Variants in SLC24A4 observed in about 807,000 individuals in gnomAD.
The protein encoded by SLC24A4 is solute carrier family 24 member 4.
In SLC24A4, 53 loss-of-function variants were observed where a neutral mutation model predicts 79.0. The observed-to-expected ratio is 0.67, with a 90% CI of 0.54 to 0.84. SLC24A4 has a LOEUF of 0.84. SLC24A4 is among the 40% of genes least tolerant of loss of function. The pLI is 0.00. For missense variants in SLC24A4, 731 were observed against 822.0 expected, an observed-to-expected ratio of 0.89 and a Z score of 1.35; for synonymous variants, 323 against 323.8, an observed-to-expected ratio of 1.00 and a Z score of 0.03.
intron 2 of SLC24A4, among the ~76,000 whole-genome samples, chr14:92,343,115 C>G (rs187811679): frequency 1.3e-5 from 2 of 152,318 alleles, no homozygotes; most frequent in East Asian, 3.9e-4. Flanking sequence ...CTGCAGCTGC[C>G]CCTTCCACTT....
At position 92,486,646 on chromosome 14, in the gene SLC24A4, C is replaced by G. The variant is rs1391143532; in HGVS notation, c.1423-20C>G. 5 of 1,524,458 alleles carry G rather than the reference C, an allele frequency of 3.3e-6. No homozygotes were observed. The highest frequency in any genetic ancestry group is 1.4e-5 in the African/African-American group (1 of 73,154). The allele number at this position is 1,524,458 out of a possible 1,614,324, so 94.4% of individuals were successfully genotyped here. On this transcript the variant is annotated intron_variant, in intron 13 of 16. Transcript: ENST00000532405. ...CACACTGTTGGTTGAGAGTTCATGT[C>G]TCCACCCCACATTCTGCAGGTGACT...
intron 2 of SLC24A4, among the ~76,000 whole-genome samples, chr14:92,433,458 A>G (rs988057954): frequency 4.6e-5 from 7 of 152,182 alleles, no homozygotes; most frequent in Non-Finnish European, 8.8e-5. Context: ...TCTTGGGTCT[A>G]TACTTGCGAG....
chr14:92,425,704 T>A (rs984908886), intron 2 of SLC24A4, among the ~76,000 whole-genome samples: 2 of 152,154 alleles, frequency 1.3e-5, no homozygotes, highest in Non-Finnish European at 1.5e-5. Flanking sequence ...TACACCTATA[T>A]GCAGTGGCTC....
rs148342045 is a variant in SLC24A4 at position 92,404,764 on chromosome 14, A to C, written c.242-29148A>C. On this transcript the variant is annotated intron_variant, in intron 2 of 16. Coordinates refer to ENST00000532405, the MANE Select transcript of SLC24A4 (RefSeq NM_153646.4). ...ACTTTTTTCATAAGCTCTGGAAACTATCAGAATGGATCTTAAATATTTGTA... is the reference window on the plus strand; with the variant it reads ...ACTTTTTTCATAAGCTCTGGAAACTCTCAGAATGGATCTTAAATATTTGTA... Among the ~76,000 whole-genome samples, 673 of 152,288 alleles carry C rather than the reference A, an allele frequency of 4.4e-3. 6 individuals carry two copies. The highest frequency in any genetic ancestry group is 0.015 in the African/African-American group (630 of 41,552).
chr14:92,378,322 C>T (rs766208892), intron 2 of SLC24A4, among the ~76,000 whole-genome samples: 17 of 152,118 alleles, frequency 1.1e-4, no homozygotes, highest in African/African-American at 2.2e-4. Flanking sequence ...TGCTGGGTTG[C>T]GGACACATGC....
intron 2 of SLC24A4, among the ~76,000 whole-genome samples, chr14:92,365,404 C>T (rs1416387584): frequency 6.6e-6 from 1 of 152,232 alleles, no homozygotes; most frequent in Admixed American, 6.5e-5. Flanking sequence ...CTTTGGGTCA[C>T]ATACAGGCCT....
intron 12 of SLC24A4, among the ~76,000 whole-genome samples, chr14:92,468,329 T>C (rs1367400058): frequency 6.6e-6 from 1 of 152,218 alleles, no homozygotes; most frequent in African/African-American, 2.4e-5. Context: ...TTAAAAATGA[T>C]AATAGTCCTC....
At chr14:92,344,522 C>T (rs141976663) in intron 2 of SLC24A4, among the ~76,000 whole-genome samples, 104 of 152,082 alleles carry the variant, frequency 6.8e-4, no homozygotes, top group African/African-American at 2.3e-3. Flanking sequence ...CATTTTTTAT[C>T]GAGGCAGTTG....
At chr14:92,400,404 A>T (rs371714722) in intron 2 of SLC24A4, among the ~76,000 whole-genome samples, 2 of 141,720 alleles carry the variant, frequency 1.4e-5, no homozygotes, top group South Asian at 4.4e-4. Flanking sequence ...GTGCCACTGC[A>T]CTCCAGCCTG....
At chr14:92,378,950 T>C in intron 2 of SLC24A4, among the ~76,000 whole-genome samples, 1 of 152,108 alleles carries the variant, frequency 6.6e-6, no homozygotes, top group East Asian at 1.9e-4. Flanking sequence ...TAGTCTCAGC[T>C]ACTTGGGAGG....
chr14:92,393,158 C>T (rs1220791704), intron 2 of SLC24A4, among the ~76,000 whole-genome samples: 4 of 152,250 alleles, frequency 2.6e-5, no homozygotes, highest in Non-Finnish European at 2.9e-5. Context: ...GGGCTTCGAT[C>T]TTAGACTTCC....
At chr14:92,419,657 A>G (rs1285718861) in intron 2 of SLC24A4, among the ~76,000 whole-genome samples, 1 of 152,260 alleles carries the variant, frequency 6.6e-6, no homozygotes, top group East Asian at 1.9e-4. Context: ...TGGACAGCAG[A>G]TGTGAATCAG....
At position 92,456,529 on chromosome 14, in the gene SLC24A4, G is replaced by A. The variant is rs369405632; in HGVS notation, c.1176G>A (p.Glu392=). 1 of 1,613,866 alleles carries A rather than the reference G, an allele frequency of 6.2e-7. No homozygotes were observed. Among genetic ancestry groups the A allele is most frequent in the Non-Finnish European group, 8.5e-7 (1 of 1,179,966 alleles). The part of the protein sequence containing the change: ...ENPEDPQQNQ[E]QQPPPQPPPP... The stretch of plus-strand genomic sequence containing the variant: ...CCGAAGACCCTCAGCAGAATCAGGA[G>A]CAGCAGCCGCCGCCACAGCCACCAC... Residue 392 remains glutamate (E), a synonymous_variant, in exon 12 of 17, where the codon GAG becomes GAA. Coordinates refer to ENST00000532405, the MANE Select transcript of SLC24A4 (RefSeq NM_153646.4).
At position 92,395,951 on chromosome 14, in the gene SLC24A4, G is replaced by A. The variant is rs113222444; in HGVS notation, c.242-37961G>A. On this transcript the variant is annotated intron_variant, in intron 2 of 16. Transcript: ENST00000532405. Reference sequence around the variant, plus strand: ...AGTGATTCTCCTGCCTCAGCCTCCCGAGTAGCTGGGATTATAGACGGGTGC... The same window carrying A: ...AGTGATTCTCCTGCCTCAGCCTCCCAAGTAGCTGGGATTATAGACGGGTGC... 2.1e-3 allele frequency among the ~76,000 whole-genome samples: 319 copies of A among 152,220 alleles called. 1 individual carries two copies. The highest frequency in any genetic ancestry group is 7.4e-3 in the African/African-American group (307 of 41,538).
Position 92,449,063 on chromosome 14 carries a change from C to T in SLC24A4, c.738-11C>T, listed in dbSNP as rs749239829. 1 of 1,613,980 alleles carries T rather than the reference C, an allele frequency of 6.2e-7. No individual in the cohort carries two copies. Among genetic ancestry groups the T allele is most frequent in the Non-Finnish European group, 8.5e-7 (1 of 1,179,882 alleles). On this transcript the variant is annotated splice_polypyrimidine_tract_variant and intron_variant, in intron 9 of 16. Coordinates refer to ENST00000532405, the MANE Select transcript of SLC24A4 (RefSeq NM_153646.4). Reference sequence around the variant, plus strand: ...CCATTGCCCTGACCTCCTGCCTCCCCTCGCTTCCAGGTACAATGTGAAGAT... The same window carrying T: ...CCATTGCCCTGACCTCCTGCCTCCCTTCGCTTCCAGGTACAATGTGAAGAT...
At position 92,497,316 on chromosome 14, in the gene SLC24A4, T is replaced by A. The variant is rs1895963202; in HGVS notation, c.*3688T>A. 6.6e-6 allele frequency: 1 copy of A among 152,298 alleles called. No homozygotes were observed. The highest frequency in any genetic ancestry group is 1.9e-4 in the East Asian group (1 of 5,196). The allele number at this position is 152,298 out of a possible 1,614,324, so 9.4% of individuals were successfully genotyped here. ...GCCCAAGGTCCAGGTTTCTTCCACC[T>A]GCTCTTCCCTGTTTATGGGGATTTG... is the stretch of plus-strand genomic sequence containing the variant. On this transcript the variant is annotated 3_prime_UTR_variant, in exon 17 of 17. Coordinates refer to ENST00000532405, the MANE Select transcript of SLC24A4 (RefSeq NM_153646.4).
chr14:92,493,544 C>A lies in SLC24A4; in HGVS notation c.1785C>A (p.Tyr595Ter). 6.2e-7 allele frequency: 1 copy of A among 1,614,218 alleles called. No homozygotes were observed. Among genetic ancestry groups the A allele is most frequent in the Non-Finnish European group, 8.5e-7 (1 of 1,180,032 alleles). Reference protein sequence around the residue: ...RKLGVYVLVLYAIFLCFSIMI... With the variant: ...RKLGVYVLVL ...TGGGTGTCTACGTGCTGGTTCTCTA[C>A]GCCATCTTCTTGTGCTTCTCCATAA... The change falls in exon 17 of 17, where the codon TAC (tyrosine) becomes TAA (stop). Residue 595 changes from tyrosine to a stop codon, truncating the protein, a stop_gained. Coordinates refer to ENST00000532405, the MANE Select transcript of SLC24A4 (RefSeq NM_153646.4). LOFTEE classifies it high-confidence loss of function.
chr14:92,346,336 A>G (rs1454433133), intron 2 of SLC24A4, among the ~76,000 whole-genome samples: 1 of 152,156 alleles, frequency 6.6e-6, no homozygotes, highest in African/African-American at 2.4e-5. Flanking sequence ...TTCCGTCTGT[A>G]AACTGGAAGT....
At chr14:92,478,639 C>T (rs1894896855) in intron 12 of SLC24A4, among the ~76,000 whole-genome samples, 1 of 85,270 alleles carries the variant, frequency 1.2e-5, no homozygotes, top group African/African-American at 4.1e-5. Flanking sequence ...GTGTAAATTT[C>T]CCAGCTTTGT....
Sources: gnomAD v4.1 joint callset for allele counts (sites outside exome capture counted in the v4.1 genomes callset) on GRCh38, gnomAD v4.1.1 for gene constraint, MANE v1.5 for transcripts, NCBI Gene and HGNC (gene_info 2026-07-23, HGNC 2026-07-21) for gene names.